PTPRD: variants seen among roughly 807,000 people sequenced by gnomAD.
The protein encoded by PTPRD is protein tyrosine phosphatase receptor type D, also known as receptor-type tyrosine-protein phosphatase delta.
Under a neutral mutation model 214.5 loss-of-function variants are expected in PTPRD, and 34 were observed. The observed-to-expected ratio is 0.16, with a 90% CI of 0.12 to 0.21. PTPRD has a LOEUF of 0.21. PTPRD is among the 10% of genes least tolerant of loss of function. The pLI is 1.00. For synonymous variants in PTPRD, 1,128 were observed against 845.7 expected, an observed-to-expected ratio of 1.33 and a Z score of -5.79; for missense variants, 2,545 against 2,398.7, an observed-to-expected ratio of 1.06 and a Z score of -1.27.
At chr9:9,705,313 T>A (rs1449505849) in intron 7 of PTPRD, among the ~76,000 whole-genome samples, 1 of 152,218 alleles carries the variant, frequency 6.6e-6, no homozygotes, top group East Asian at 1.9e-4. Context: ...CATTTTTCCA[T>A]TATGATTATC....
intron 11 of PTPRD, among the ~76,000 whole-genome samples, chr9:8,851,913 T>C (rs1204798575): frequency 6.6e-6 from 1 of 152,170 alleles, no homozygotes; most frequent in East Asian, 1.9e-4. Context: ...TGGGTCGAGA[T>C]TTTGCAATTC....
At chr9:9,260,512 C>T (rs966583997) in intron 9 of PTPRD, among the ~76,000 whole-genome samples, 3 of 151,778 alleles carry the variant, frequency 2.0e-5, no homozygotes, top group African/African-American at 7.3e-5. Flanking sequence ...TTTTTCTAGG[C>T]TAGTTTTTCT....
At chr9:9,641,379 A>G (rs1385018145) in intron 7 of PTPRD, among the ~76,000 whole-genome samples, 1 of 152,206 alleles carries the variant, frequency 6.6e-6, no homozygotes, top group Non-Finnish European at 1.5e-5. Context: ...CAAAAAGACC[A>G]TTAGGTTTCC....
At chr9:9,662,736 G>GT (rs2096644288) in intron 7 of PTPRD, among the ~76,000 whole-genome samples, 1 of 151,540 alleles carries the variant, frequency 6.6e-6, no homozygotes, top group South Asian at 2.1e-4. Flanking sequence ...AGGCTTGTCC[G>GT]TTTTTAGAAT....
At chr9:8,468,028 T>C (rs538596499) in intron 31 of PTPRD, among the ~76,000 whole-genome samples, 1 of 152,036 alleles carries the variant, frequency 6.6e-6, no homozygotes, top group African/African-American at 2.4e-5. Context: ...ATACTGCAGA[T>C]GTAGTTAATA....
At chr9:8,699,658 C>T (rs1197787180) in intron 12 of PTPRD, among the ~76,000 whole-genome samples, 2 of 151,890 alleles carry the variant, frequency 1.3e-5, no homozygotes, top group Non-Finnish European at 1.5e-5. Flanking sequence ...AATATGAATG[C>T]TTAATGTACT....
chr9:9,211,869 G>C (rs1029980207), intron 9 of PTPRD, among the ~76,000 whole-genome samples: 20 of 151,680 alleles, frequency 1.3e-4, no homozygotes, highest in African/African-American at 4.6e-4. Flanking sequence ...ACTTAGCCCA[G>C]GTTACACAAC....
At chr9:10,508,919 T>A (rs568250080) in intron 2 of PTPRD, among the ~76,000 whole-genome samples, 2 of 152,194 alleles carry the variant, frequency 1.3e-5, no homozygotes, top group East Asian at 3.9e-4. Flanking sequence ...TTTGTGCACA[T>A]GTACCCTAGA....
chr9:8,734,483 C>T (rs2098695802), intron 11 of PTPRD, among the ~76,000 whole-genome samples: 1 of 152,216 alleles, frequency 6.6e-6, no homozygotes, highest in Non-Finnish European at 1.5e-5. Context: ...GCATATTTGG[C>T]TTCTTCCCTG....
chr9:10,083,059 C>G, intron 3 of PTPRD, among the ~76,000 whole-genome samples: 1 of 151,640 alleles, frequency 6.6e-6, no homozygotes, highest in East Asian at 1.9e-4. Context: ...TAAATAAATC[C>G]CATATCTATA....
At chr9:10,178,258 C>A (rs1039220594) in intron 3 of PTPRD, among the ~76,000 whole-genome samples, 6 of 151,838 alleles carry the variant, frequency 4.0e-5, no homozygotes, top group African/African-American at 1.4e-4. Context: ...TCCATACTCA[C>A]TTAGAGGTAT....
At chr9:9,593,527 T>C (rs1592453876) in intron 7 of PTPRD, among the ~76,000 whole-genome samples, 1 of 151,954 alleles carries the variant, frequency 6.6e-6, no homozygotes, top group Non-Finnish European at 1.5e-5. Flanking sequence ...AGAAAACTCC[T>C]GATAAAAAAT....
intron 14 of PTPRD, among the ~76,000 whole-genome samples, chr9:8,591,881 T>C (rs551179981): frequency 5.3e-5 from 8 of 152,166 alleles, no homozygotes; most frequent in Non-Finnish European, 1.0e-4. Flanking sequence ...TAGTTGGCCA[T>C]AAATAAGTTT....
intron 2 of PTPRD, 140 bp downstream of exon 2, chr9:10,612,258 G>C (rs1484743373): frequency 6.7e-6 from 1 of 148,890 alleles, no homozygotes. Context: ...TTCTCAAATA[G>C]GAGCTACTGA....
chr9:8,699,996 G>C (rs968456920), intron 12 of PTPRD, among the ~76,000 whole-genome samples: 1 of 152,056 alleles, frequency 6.6e-6, no homozygotes, highest in Non-Finnish European at 1.5e-5. Flanking sequence ...ATTTATGATG[G>C]CGGCATTCTT....
chr9:10,271,386 G>A (rs1388078971), intron 3 of PTPRD, among the ~76,000 whole-genome samples: 2 of 128,200 alleles, frequency 1.6e-5, no homozygotes, highest in Non-Finnish European at 3.6e-5. Flanking sequence ...GAGTAACTCA[G>A]AGTCTCTTTA....
chr9:8,754,308 T>C (rs974395532), intron 11 of PTPRD, among the ~76,000 whole-genome samples: 32 of 152,134 alleles, frequency 2.1e-4, no homozygotes, highest in Admixed American at 2.0e-3. Flanking sequence ...CAAGACAATC[T>C]TATAGAAAAA....
intron 7 of PTPRD, among the ~76,000 whole-genome samples, chr9:9,686,287 G>A (rs1281965151): frequency 7.3e-6 from 1 of 136,086 alleles, no homozygotes; most frequent in Non-Finnish European, 1.6e-5. Context: ...TGAGATGTAT[G>A]TATGAATTAT....
At chr9:9,324,972 T>G (rs971230536) in intron 9 of PTPRD, among the ~76,000 whole-genome samples, 1 of 152,212 alleles carries the variant, frequency 6.6e-6, no homozygotes, top group African/African-American at 2.4e-5. Context: ...TTCTTGTTTT[T>G]GTCAGGTTTG....
Sources: allele counts gnomAD v4.1 joint callset (sites outside exome capture counted in the v4.1 genomes callset), GRCh38; gene constraint gnomAD v4.1.1; transcripts MANE v1.5; gene names NCBI Gene and HGNC (gene_info 2026-07-23, HGNC 2026-07-21).